JPT2: variants seen among roughly 807,000 people sequenced by gnomAD.
JPT2 encodes Jupiter microtubule associated homolog 2.
Under a neutral mutation model 15.9 loss-of-function variants are expected in JPT2, and 9 were observed. That is an observed-to-expected ratio of 0.57 (90% CI 0.34 to 0.99). JPT2 has a LOEUF of 0.99. Among genes scored for constraint, JPT2 ranks in the 50% least tolerant of loss-of-function variants. The pLI is 0.02. For synonymous variants in JPT2, 95 were observed against 91.7 expected, an observed-to-expected ratio of 1.04 and a Z score of -0.21; for missense variants, 267 against 252.1, an observed-to-expected ratio of 1.06 and a Z score of -0.40.
rs1002930911 is a variant in JPT2 at position 1,700,496 on chromosome 16, G to A, written c.*1498G>A. The A allele has an allele frequency of 5.0e-6, 1 of 201,202 alleles. No individual in the cohort carries two copies. Among genetic ancestry groups the A allele is most frequent in the African/African-American group, 2.2e-5 (1 of 44,710 alleles). The allele number at this position is 201,202 out of a possible 1,614,324, so 12.5% of individuals were successfully genotyped here. A position where few individuals can be genotyped will look rare whatever the true frequency, so the allele number is the denominator to read the frequency against. On this transcript the variant is annotated 3_prime_UTR_variant, in exon 5 of 5. Transcript: ENST00000248098. ...TTCAGAAAAGCAGCAGCCATGTTCAGTCAGGCTCATGCTGCCTCACTGCTT... is the reference window on the plus strand; with the variant it reads ...TTCAGAAAAGCAGCAGCCATGTTCAATCAGGCTCATGCTGCCTCACTGCTT...
At chr16:1,685,220 C>T (rs2142222386) in intron 1 of JPT2, among the ~76,000 whole-genome samples, 2 of 151,936 alleles carry the variant, frequency 1.3e-5, no homozygotes, top group South Asian at 4.2e-4. Flanking sequence ...CCCAGCTACT[C>T]AGGAGGCTGA....
At chr16:1,686,980 CTTTTG>C (rs1034142448) in intron 2 of JPT2, among the ~76,000 whole-genome samples, 1 of 152,032 alleles carries the variant, frequency 6.6e-6, no homozygotes, top group Non-Finnish European at 1.5e-5. Flanking sequence ...CTAGTTTTTT[CTTTTG>C]TTTTTAGTCT....
At chr16:1,693,527 G>A (rs1351629757) in intron 3 of JPT2, among the ~76,000 whole-genome samples, 5 of 152,280 alleles carry the variant, frequency 3.3e-5, no homozygotes, top group South Asian at 2.1e-4. Flanking sequence ...TAAAGCACTC[G>A]AATTAGCCGG....
At chr16:1,683,421 C>T in intron 1 of JPT2, 2 of 854,986 alleles carry the variant, frequency 2.3e-6, no homozygotes, top group South Asian at 1.6e-5. Flanking sequence ...AGCCCTTTCT[C>T]ATTTAAGCTT....
rs540428306 is a variant in JPT2, at chr16:1,688,332, T to C, written c.193+2745T>C. ...CAGACCTAGCCGGTAGCAGTGCTAG[T>C]CGGTGGCAGAGCTAGCCTTTGAATT... On this transcript the variant is annotated intron_variant, in intron 2 of 4. Transcript: ENST00000248098. 2.8e-4 allele frequency: 42 copies of C among 152,348 alleles called. No individual in the cohort carries two copies. In the East Asian group the frequency reaches 7.9e-3, roughly 29 times the overall value. 9.4% of individuals were successfully genotyped at this position (152,348 alleles called of 1,614,324 possible). A position where few individuals can be genotyped will look rare whatever the true frequency, so the allele number is the denominator to read the frequency against.
intron 1 of JPT2, chr16:1,683,489 TC>T: frequency 6.8e-7 from 1 of 1,475,468 alleles, no homozygotes; most frequent in Non-Finnish European, 9.1e-7. Context: ...TTTTTTTTTC[TC>T]CCTCCTCAAA....
At chr16:1,685,936 T>C (rs2037061718) in intron 2 of JPT2, 2 of 204,136 alleles carry the variant, frequency 9.8e-6, no homozygotes, top group South Asian at 9.8e-5. Context: ...TTAAACATTT[T>C]TCCTAGGGAG....
chr16:1,690,245 A>G (rs1287269464), intron 2 of JPT2: 2 of 152,180 alleles, frequency 1.3e-5, no homozygotes, highest in Non-Finnish European at 2.9e-5. Flanking sequence ...ATCTCCACGC[A>G]AGCACACGTG....
chr16:1,699,228 A>G lies in JPT2; in HGVS notation c.*230A>G, dbSNP rs370794429. 23 of 508,874 alleles carry G rather than the reference A, an allele frequency of 4.5e-5. No individual in the cohort carries two copies. Among genetic ancestry groups the G allele is most frequent in the South Asian group, 2.9e-4 (19 of 64,550 alleles). 31.5% of individuals were successfully genotyped at this position (508,874 alleles called of 1,614,324 possible). On this transcript the variant is annotated 3_prime_UTR_variant, in exon 5 of 5. Transcript: ENST00000248098. ...AATGGGGCACCCCTGGCCATCACTC[A>G]TGTGTAGTCCAGGTTTGAGAGGAAC... is the stretch of plus-strand genomic sequence containing the variant.
chr16:1,682,527 C>T (rs2037031452), intron 1 of JPT2, among the ~76,000 whole-genome samples: 1 of 152,120 alleles, frequency 6.6e-6, no homozygotes, highest in African/African-American at 2.4e-5. Context: ...GAAAAATTAG[C>T]TGGGCATGGT....
intron 1 of JPT2, among the ~76,000 whole-genome samples, chr16:1,684,182 C>T (rs2037046459): frequency 6.6e-6 from 1 of 152,152 alleles, no homozygotes; most frequent in Non-Finnish European, 1.5e-5. Context: ...TCCATGGAAG[C>T]AGAGCCCGTG....
rs1439073241 is a variant in JPT2, at chr16:1,699,403, C to CT, written c.*406dup. On this transcript the variant is annotated 3_prime_UTR_variant, in exon 5 of 5. Coordinates refer to ENST00000248098, the MANE Select transcript of JPT2 (RefSeq NM_144570.3). ...GATGGAGGAGGCGTAAGCAGAAACA[C>CT]TAACAGTATATTGACCTCTTAGCAG... The CT allele has an allele frequency of 2.4e-6, 1 of 413,420 alleles. No individual in the cohort carries two copies. The highest frequency in any genetic ancestry group is 4.9e-6 in the Non-Finnish European group (1 of 205,610). 25.6% of individuals were successfully genotyped at this position (413,420 alleles called of 1,614,324 possible).
intron 1 of JPT2, chr16:1,683,363 G>A (rs1367958596): frequency 1.7e-5 from 10 of 603,798 alleles, no homozygotes; most frequent in Admixed American, 8.6e-5. Context: ...CTCCCACCTC[G>A]GCCTCCCAAG....
chr16:1,687,269 G>C (rs1483826976), intron 2 of JPT2, among the ~76,000 whole-genome samples: 1 of 152,160 alleles, frequency 6.6e-6, no homozygotes, highest in Non-Finnish European at 1.5e-5. Context: ...TTACAGACAT[G>C]CACCCTTGTG....
chr16:1,690,819 T>C (rs1219489050), intron 2 of JPT2, among the ~76,000 whole-genome samples: 1 of 152,236 alleles, frequency 6.6e-6, no homozygotes, highest in Non-Finnish European at 1.5e-5. Flanking sequence ...TATCATTGCA[T>C]AGAAAATAGA....
intron 1 of JPT2, among the ~76,000 whole-genome samples, chr16:1,678,657 C>A (rs2036993957): frequency 1.3e-5 from 2 of 152,024 alleles, no homozygotes; most frequent in African/African-American, 2.4e-5. Flanking sequence ...TGCGCTCCCT[C>A]GCGCCTGGGC....
downstream of JPT2, among the ~76,000 whole-genome samples, chr16:1,702,526 G>T (rs1567122065): frequency 6.6e-6 from 1 of 152,226 alleles, no homozygotes. Flanking sequence ...GCCACCTCGA[G>T]CCCCGTGCCT....
At chr16:1,680,567 G>A (rs1323987102) in intron 1 of JPT2, 6 of 1,085,532 alleles carry the variant, frequency 5.5e-6, no homozygotes, top group African/African-American at 1.7e-5. Context: ...GAACGGGGTC[G>A]AGTCGCAGGG....
intron 2 of JPT2, 136 bp from the exon 3 acceptor site, chr16:1,691,707 C>G: frequency 9.8e-7 from 1 of 1,018,416 alleles, no homozygotes. Flanking sequence ...TCTGAGCATC[C>G]TGCCCTGTTG....
Sources: allele counts gnomAD v4.1 joint callset (sites outside exome capture counted in the v4.1 genomes callset), GRCh38; gene constraint gnomAD v4.1.1; transcripts MANE v1.5; gene names NCBI Gene and HGNC (gene_info 2026-07-23, HGNC 2026-07-21).